NDUFB3: variants seen among roughly 807,000 people sequenced by gnomAD.
NDUFB3 encodes NADH dehydrogenase [ubiquinone] 1 beta subcomplex subunit 3.
A neutral mutation model predicts 9.0 loss-of-function variants in NDUFB3; 7 were observed. The observed-to-expected ratio is 0.78, with a 90% CI of 0.44 to 1.46. NDUFB3 has a LOEUF of 1.46. NDUFB3 is among the 40% of genes most tolerant of loss of function. NDUFB3 has a pLI of 0.01. For synonymous variants in NDUFB3, 29 were observed against 38.5 expected (o/e 0.75, Z 0.91); for missense variants, 93 against 115.4 (o/e 0.81, Z 0.89).
chr2:201,083,307 T>C (rs1368506265), intron 2 of NDUFB3, among the ~76,000 whole-genome samples: 5 of 151,992 alleles, frequency 3.3e-5, no homozygotes, highest in Non-Finnish European at 7.4e-5. Context: ...ATGAGGAATT[T>C]CTCTCTATTT....
Position 201,085,733 on chromosome 2 carries a change from A to AT in NDUFB3, c.*118_*119insT. 2 of 693,918 alleles carry AT rather than the reference A, an allele frequency of 2.9e-6. No homozygotes were observed. Among genetic ancestry groups the AT allele is most frequent in the Non-Finnish European group, 4.4e-6 (2 of 456,064 alleles). The allele number at this position is 693,918 out of a possible 1,614,324, so 43.0% of individuals were successfully genotyped here. ...ATATTAGTAAGATTTAATCAATTAA[A>AT]ATATATATATATGCCAATCTGCTTT... On this transcript the variant is annotated 3_prime_UTR_variant, in exon 3 of 3. Transcript: ENST00000237889.
chr2:201,073,010 G>A (rs1169105891), intron 1 of NDUFB3, among the ~76,000 whole-genome samples: 1 of 152,118 alleles, frequency 6.6e-6, no homozygotes, highest in African/African-American at 2.4e-5. Flanking sequence ...TATATGTAGT[G>A]TTAAATTTTC....
At chr2:201,082,866 A>G (rs953932030) in intron 2 of NDUFB3, among the ~76,000 whole-genome samples, 2 of 150,596 alleles carry the variant, frequency 1.3e-5, no homozygotes, top group Non-Finnish European at 3.0e-5. Context: ...GGCGCCCGCC[A>G]CCGCGCCCGG....
At chr2:201,073,213 A>G (rs775303408) in intron 1 of NDUFB3, among the ~76,000 whole-genome samples, 4 of 152,190 alleles carry the variant, frequency 2.6e-5, no homozygotes, top group Non-Finnish European at 4.4e-5. Flanking sequence ...TTTTCCGTCT[A>G]TGATGAATTC....
intron 2 of NDUFB3, among the ~76,000 whole-genome samples, chr2:201,085,037 G>A (rs2047274286): frequency 6.6e-6 from 1 of 152,184 alleles, no homozygotes. Context: ...AGCAGACCAT[G>A]ACAGGCTAAG....
At position 201,085,452 on chromosome 2, in the gene NDUFB3, T is replaced by C; in HGVS notation, c.141-7T>C. ...ATGATTATAATTTTTTCTTTTTTTT[T>C]TTCTAGCAATGAAGCTTGGAGATAC... On this transcript the variant is annotated splice_region_variant and splice_polypyrimidine_tract_variant and intron_variant, in intron 2 of 2. Coordinates refer to ENST00000237889, the MANE Select transcript of NDUFB3 (RefSeq NM_002491.3). 2 of 1,582,252 alleles carry C rather than the reference T, an allele frequency of 1.3e-6. No individual in the cohort carries two copies. Among genetic ancestry groups the C allele is most frequent in the Non-Finnish European group, 1.7e-6 (2 of 1,169,228 alleles).
At chr2:201,080,476 G>A (rs931672939) in intron 2 of NDUFB3, among the ~76,000 whole-genome samples, 4 of 152,026 alleles carry the variant, frequency 2.6e-5, no homozygotes, top group African/African-American at 9.7e-5. Context: ...AGGCTGAGGT[G>A]GGCAGATCAC....
chr2:201,075,565 C>CAA (rs771947770), intron 1 of NDUFB3, among the ~76,000 whole-genome samples: 182 of 47,150 alleles, frequency 3.9e-3, no homozygotes, highest in African/African-American at 8.7e-3. Context: ...GACTCTGTCT[C>CAA]AAAAAAAAAA....
chr2:201,082,080 C>T (rs1387181772), intron 2 of NDUFB3, among the ~76,000 whole-genome samples: 4 of 151,796 alleles, frequency 2.6e-5, no homozygotes, highest in East Asian at 3.9e-4. Context: ...CTTCCCAAAG[C>T]GCTGGGATTA....
At chr2:201,074,242 C>T (rs971706487) in intron 1 of NDUFB3, among the ~76,000 whole-genome samples, 16 of 151,404 alleles carry the variant, frequency 1.1e-4, no homozygotes, top group African/African-American at 1.9e-4. Flanking sequence ...CGTGAGCCAC[C>T]GCTCCTGGCC....
intron 2 of NDUFB3, among the ~76,000 whole-genome samples, chr2:201,079,293 C>T (rs1245743834): frequency 2.0e-5 from 3 of 151,714 alleles, no homozygotes; most frequent in African/African-American, 4.8e-5. Context: ...TACAGGCACG[C>T]GCCACCAAGC....
chr2:201,085,377 T>G, intron 2 of NDUFB3, 82 bp from the exon 3 acceptor site: 1 of 1,101,682 alleles, frequency 9.1e-7, no homozygotes, highest in Non-Finnish European at 1.3e-6. Context: ...TTAAGTCAAT[T>G]AGAAAGATGA....
At position 201,082,974 on chromosome 2, in the gene NDUFB3, A is replaced by C. The variant is rs2047246047; in HGVS notation, c.141-2485A>C. 2.0e-5 allele frequency among the ~76,000 whole-genome samples: 3 copies of C among 151,906 alleles called. No homozygotes were observed. In the South Asian group the frequency reaches 6.2e-4, roughly 32 times the overall value. On this transcript the variant is annotated intron_variant, in intron 2 of 2. Transcript: ENST00000237889. ...ATGATCCACCCGCCTCGGCCTCCCA[A>C]AGTGCTGGGATTACAGGCGTGAGCC...
At chr2:201,083,253 G>A (rs1270684275) in intron 2 of NDUFB3, among the ~76,000 whole-genome samples, 1 of 151,786 alleles carries the variant, frequency 6.6e-6, no homozygotes, top group African/African-American at 2.4e-5. Flanking sequence ...TCACCACTTA[G>A]TATGATGTTT....
At chr2:201,073,645 G>A (rs1427791159) in intron 1 of NDUFB3, among the ~76,000 whole-genome samples, 1 of 152,020 alleles carries the variant, frequency 6.6e-6, no homozygotes, top group African/African-American at 2.4e-5. Context: ...GTGCACGCCT[G>A]TAATCCCAGC....
At chr2:201,085,086 G>A (rs1039782446) in intron 2 of NDUFB3, among the ~76,000 whole-genome samples, 1 of 152,184 alleles carries the variant, frequency 6.6e-6, no homozygotes, top group African/African-American at 2.4e-5. Flanking sequence ...TCTAATATAA[G>A]TGGCATACCA....
At chr2:201,075,361 C>T (rs181483470) in intron 1 of NDUFB3, among the ~76,000 whole-genome samples, 2 of 151,686 alleles carry the variant, frequency 1.3e-5, no homozygotes, top group African/African-American at 2.4e-5. Flanking sequence ...GTCAGGAGAT[C>T]GAGACCATCC....
chr2:201,081,076 A>G (rs1248275371), intron 2 of NDUFB3, among the ~76,000 whole-genome samples: 1 of 152,048 alleles, frequency 6.6e-6, no homozygotes, highest in African/African-American at 2.4e-5. Context: ...TTTGGAATGA[A>G]CCTGACAATT....
chr2:201,083,591 C>T (rs978059806), intron 2 of NDUFB3, among the ~76,000 whole-genome samples: 1 of 152,080 alleles, frequency 6.6e-6, no homozygotes, highest in Admixed American at 6.6e-5. Context: ...AGGTGATCCA[C>T]ACGCCTCGAC....
Sources: gnomAD v4.1 joint callset for allele counts (sites outside exome capture counted in the v4.1 genomes callset) on GRCh38, gnomAD v4.1.1 for gene constraint, MANE v1.5 for transcripts, NCBI Gene and HGNC (gene_info 2026-07-23, HGNC 2026-07-21) for gene names.